CTH: variants seen among roughly 807,000 people sequenced by gnomAD.
CTH encodes cystathionase (cystathionine gamma-lyase).
A neutral mutation model predicts 50.6 loss-of-function variants in CTH; 41 were observed. That is an observed-to-expected ratio of 0.81 (90% CI 0.63 to 1.05). The LOEUF (loss-of-function observed/expected upper bound fraction) is 1.05. CTH is among the 50% of genes least tolerant of loss of function. The pLI, the probability that CTH is intolerant of heterozygous loss-of-function variation, is 0.00. For synonymous variants in CTH, 156 were observed against 168.9 expected (o/e 0.92, Z 0.59); for missense variants, 470 against 492.6 (o/e 0.95, Z 0.43).
At chr1:70,438,550 TG>T (rs747434647) in intron 10 of CTH, 137 bp from the exon 11 acceptor site, 24 of 840,866 alleles carry the variant, frequency 2.9e-5, no homozygotes, top group East Asian at 2.6e-4. Context: ...TCTCTTTTTT[TG>T]CCTGTGAATT....
intron 3 of CTH, among the ~76,000 whole-genome samples, chr1:70,418,314 A>G (rs997450031): frequency 1.3e-5 from 2 of 152,056 alleles, no homozygotes; most frequent in African/African-American, 4.8e-5. Context: ...GAGTGGTACG[A>G]TCTCAGCTCA....
chr1:70,416,264 T>C (rs1027826843), intron 2 of CTH, among the ~76,000 whole-genome samples: 11 of 152,122 alleles, frequency 7.2e-5, no homozygotes, highest in Non-Finnish European at 1.3e-4. Context: ...AAGGAAAAAA[T>C]TCACACGAAT....
At chr1:70,415,734 T>C (rs1684076509) in intron 1 of CTH, among the ~76,000 whole-genome samples, 2 of 152,228 alleles carry the variant, frequency 1.3e-5, no homozygotes, top group African/African-American at 4.8e-5. Flanking sequence ...CCTAGTGTCA[T>C]GCAGCTCATA....
chr1:70,436,590 C>T (rs2101761293), intron 10 of CTH, among the ~76,000 whole-genome samples: 1 of 151,880 alleles, frequency 6.6e-6, no homozygotes, highest in Non-Finnish European at 1.5e-5. Context: ...ATGTCAGGTC[C>T]CACCAAAGTT....
rs562535861 is a variant in CTH, at chr1:70,439,003, T to G, written c.1192-98T>G. On this transcript the variant is annotated intron_variant, in intron 11 of 11. Transcript: ENST00000370938. ...TAGGGAGCTCAGTCAAAGTGCATAT[T>G]TAAAGGATGGTAGTATTCAGAAAAA... The G allele has an allele frequency of 1.9e-5, 29 of 1,524,632 alleles. No individual in the cohort carries two copies. The South Asian group carries it at 2.6e-4, about 14-fold the overall frequency. The allele number at this position is 1,524,632 out of a possible 1,614,324, so 94.4% of individuals were successfully genotyped here. A position where few individuals can be genotyped will look rare whatever the true frequency, so the allele number is the denominator to read the frequency against.
intron 4 of CTH, 81 bp from the exon 5 acceptor site, chr1:70,424,204 T>A: frequency 6.2e-7 from 1 of 1,607,266 alleles, no homozygotes; most frequent in Non-Finnish European, 8.5e-7. Flanking sequence ...CAATGTAGCT[T>A]CCCAGATTGT....
At chr1:70,434,994 G>A (rs1051462475) in intron 9 of CTH, 131 bp from the exon 10 acceptor site, 6 of 695,680 alleles carry the variant, frequency 8.6e-6, no homozygotes, top group Non-Finnish European at 1.4e-5. Flanking sequence ...TCGGTGATCC[G>A]CCTGACTTGG....
intron 3 of CTH, among the ~76,000 whole-genome samples, chr1:70,420,080 C>A (rs1365308217): frequency 6.6e-6 from 1 of 151,544 alleles, no homozygotes; most frequent in Non-Finnish European, 1.5e-5. Context: ...GCAACCTCCG[C>A]TTCCCGGGTT....
intron 10 of CTH, among the ~76,000 whole-genome samples, chr1:70,436,670 A>G (rs1227282274): frequency 1.1e-5 from 1 of 90,680 alleles, no homozygotes; most frequent in African/African-American, 2.9e-5. Context: ...CACCAAGTTA[A>G]AAAAAAAAAA....
intron 8 of CTH, among the ~76,000 whole-genome samples, chr1:70,433,496 G>C (rs1684525900): frequency 6.6e-6 from 1 of 152,208 alleles, no homozygotes; most frequent in African/African-American, 2.4e-5. Context: ...CCCTCATGGA[G>C]CAACTCTGGT....
Position 70,438,793 on chromosome 1 carries a change from A to C in CTH, c.1158A>C (p.Leu386=), listed in dbSNP as rs1248655906. ...LSVGLEDEED[L]LEDLDQALKA... Reference sequence around the variant, plus strand: ...TGGGCTTAGAGGATGAGGAAGACCTACTGGAAGATCTAGATCAAGCTTTGA... The same window carrying C: ...TGGGCTTAGAGGATGAGGAAGACCTCCTGGAAGATCTAGATCAAGCTTTGA... Residue 386 remains leucine (L), a synonymous_variant, in exon 11 of 12, where the codon CTA becomes CTC. Transcript: ENST00000370938. 1 of 1,613,844 alleles carries C rather than the reference A, an allele frequency of 6.2e-7. No individual in the cohort carries two copies. The highest frequency in any genetic ancestry group is 8.5e-7 in the Non-Finnish European group (1 of 1,179,976).
At chr1:70,430,462 C>A in intron 7 of CTH, 68 bp downstream of exon 7, 1 of 815,096 alleles carries the variant, frequency 1.2e-6, no homozygotes, top group Non-Finnish European at 2.2e-6. Context: ...TGTATTTCCA[C>A]TAAGTGATGT....
Position 70,439,715 on chromosome 1 carries a change from C to G in CTH, c.*588C>G, listed in dbSNP as rs932421469. ...ATGCCAGCACTTTTGGAGGATAAGG[C>G]GGGCGGATCACGAGGTCAGGAGATT... On this transcript the variant is annotated 3_prime_UTR_variant, in exon 12 of 12. Coordinates refer to ENST00000370938, the MANE Select transcript of CTH (RefSeq NM_001902.6). The G allele has an allele frequency of 6.5e-6, 1 of 154,312 alleles. No individual in the cohort carries two copies. Among genetic ancestry groups the G allele is most frequent in the African/African-American group, 2.4e-5 (1 of 41,446 alleles). The allele number at this position is 154,312 out of a possible 1,614,324, so 9.6% of individuals were successfully genotyped here. A position where few individuals can be genotyped will look rare whatever the true frequency, so the allele number is the denominator to read the frequency against.
intron 4 of CTH, among the ~76,000 whole-genome samples, chr1:70,423,204 A>G (rs190139307): frequency 4.3e-4 from 65 of 152,192 alleles, no homozygotes; most frequent in Admixed American, 4.1e-3. Context: ...TAACCATCTT[A>G]TCTTTTCCAG....
At chr1:70,421,469 A>G in intron 3 of CTH, 97 bp from the exon 4 acceptor site, 1 of 1,286,040 alleles carries the variant, frequency 7.8e-7, no homozygotes, top group Non-Finnish European at 1.1e-6. Flanking sequence ...TTGGTGACTG[A>G]GAGTTCCATA....
intron 5 of CTH, among the ~76,000 whole-genome samples, chr1:70,425,440 C>T (rs905895916): frequency 1.4e-4 from 21 of 152,200 alleles, no homozygotes; most frequent in African/African-American, 4.8e-4. Context: ...GGAGCCTTCT[C>T]GCTGTGTCCT....
chr1:70,438,907 A>G, intron 11 of CTH, 81 bp downstream of exon 11: 1 of 1,606,248 alleles, frequency 6.2e-7, no homozygotes, highest in Non-Finnish European at 8.5e-7. Context: ...CTATATTTAC[A>G]AAGTGTGGTC....
chr1:70,423,562 C>A (rs1684277206), intron 4 of CTH, among the ~76,000 whole-genome samples: 2 of 115,978 alleles, frequency 1.7e-5, no homozygotes, highest in African/African-American at 3.3e-5. Context: ...CAAAGTGAGA[C>A]CCTGCTGCTT....
intron 5 of CTH, among the ~76,000 whole-genome samples, 200 bp from the exon 6 acceptor site, chr1:70,429,594 C>T (rs990977906): frequency 8.5e-5 from 13 of 152,096 alleles, no homozygotes; most frequent in African/African-American, 2.9e-4. Context: ...ATACTGGATT[C>T]AATACTTTAC....
Sources: allele counts gnomAD v4.1 joint callset (sites outside exome capture counted in the v4.1 genomes callset), GRCh38; gene constraint gnomAD v4.1.1; transcripts MANE v1.5; gene names NCBI Gene and HGNC (gene_info 2026-07-23, HGNC 2026-07-21).